Variants in ANKHD1 observed in about 807,000 individuals in gnomAD.
ANKHD1 encodes ankyrin repeat and KH domain containing 1, also known as ankyrin repeat and KH domain-containing protein 1.
A neutral mutation model predicts 230.5 loss-of-function variants in ANKHD1; 31 were observed. That is an observed-to-expected ratio of 0.13 (90% confidence interval 0.10 to 0.18). ANKHD1 has a LOEUF of 0.18. Ranked by LOEUF, ANKHD1 falls within the 10% of genes least tolerant of loss-of-function variation. ANKHD1 has a pLI of 1.00. For missense variants in ANKHD1, 2,256 were observed against 3,071.3 expected, an observed-to-expected ratio of 0.73 and a Z score of 6.27; for synonymous variants, 1,074 against 1,117.6, an observed-to-expected ratio of 0.96 and a Z score of 0.78.
chr5:140,428,717 A>G (rs1292610758), intron 1 of ANKHD1, among the ~76,000 whole-genome samples: 1 of 152,214 alleles, frequency 6.6e-6, no homozygotes, highest in African/African-American at 2.4e-5. Flanking sequence ...GTTGAAATTC[A>G]TGAGAGTGGT....
chr5:140,472,204 A>G (rs747229265), intron 10 of ANKHD1: 3 of 1,602,740 alleles, frequency 1.9e-6, no homozygotes, highest in South Asian at 1.1e-5. Context: ...CGTTTTTGGA[A>G]TAAGATCCGT....
chr5:140,490,507 C>T (rs1751724871), intron 14 of ANKHD1, among the ~76,000 whole-genome samples: 1 of 152,176 alleles, frequency 6.6e-6, no homozygotes, highest in African/African-American at 2.4e-5. Flanking sequence ...TGGCATCTAA[C>T]AGAGGCCTCA....
intron 7 of ANKHD1, among the ~76,000 whole-genome samples, chr5:140,455,242 AG>A (rs1277437593): frequency 5.9e-5 from 9 of 152,214 alleles, no homozygotes; most frequent in Non-Finnish European, 1.0e-4. Context: ...AACCAAAAAA[AG>A]TCCAGGACCA....
At chr5:140,508,182 G>A (rs907910200) in intron 20 of ANKHD1, among the ~76,000 whole-genome samples, 184 bp downstream of exon 20, 2 of 152,122 alleles carry the variant, frequency 1.3e-5, no homozygotes, top group African/African-American at 4.8e-5. Context: ...TTTTATTAAG[G>A]ACAATGAAGA....
intron 29 of ANKHD1, among the ~76,000 whole-genome samples, chr5:140,534,486 T>C (rs1313842196): frequency 4.6e-5 from 7 of 152,196 alleles, no homozygotes; most frequent in Admixed American, 4.6e-4. Context: ...ACAAAAATGT[T>C]CTAACATTGA....
chr5:140,464,874 T>A lies in ANKHD1; in HGVS notation c.1782+98T>A, dbSNP rs527355847. The A allele has an allele frequency of 3.7e-5, 45 of 1,217,574 alleles. No homozygotes were observed. In the East Asian group the frequency reaches 1.2e-3, roughly 33 times the overall value. The allele number at this position is 1,217,574 out of a possible 1,614,324, so 75.4% of individuals were successfully genotyped here. On this transcript the variant is annotated intron_variant, in intron 10 of 33. Transcript: ENST00000360839. ...CTAAAGATCAATGGTTTGCGTACTT[T>A]GTATACAGTAACTTAAAAAAGCTTG... is the stretch of plus-strand genomic sequence containing the variant.
intron 10 of ANKHD1, among the ~76,000 whole-genome samples, chr5:140,465,416 A>G (rs1435830647): frequency 6.6e-6 from 1 of 152,188 alleles, no homozygotes; most frequent in Non-Finnish European, 1.5e-5. Flanking sequence ...TCTATATAAA[A>G]ATAATATTCC....
chr5:140,443,424 C>T (rs1213485180), intron 5 of ANKHD1, among the ~76,000 whole-genome samples: 2 of 151,816 alleles, frequency 1.3e-5, no homozygotes, highest in Non-Finnish European at 2.9e-5. Context: ...GGCGTGGTGG[C>T]TCACGCCTGT....
chr5:140,432,909 C>T (rs1204695352), intron 1 of ANKHD1, among the ~76,000 whole-genome samples: 1 of 152,072 alleles, frequency 6.6e-6, no homozygotes, highest in Non-Finnish European at 1.5e-5. Context: ...TCACTAGGTT[C>T]CCAGGCTGGT....
chr5:140,401,860 C>G lies in ANKHD1; in HGVS notation c.-108C>G, dbSNP rs985358800. On this transcript the variant is annotated 5_prime_UTR_variant, in exon 1 of 34. Coordinates refer to ENST00000360839, the MANE Select transcript of ANKHD1 (RefSeq NM_017747.3). ...TGAGAAGTTAGTGGCGCTGCTGGGACGGGGGAAAGGAGACGCTTCTTCCTC... is the reference window on the plus strand; with the variant it reads ...TGAGAAGTTAGTGGCGCTGCTGGGAGGGGGGAAAGGAGACGCTTCTTCCTC... The G allele has an allele frequency of 1.6e-4, 229 of 1,412,520 alleles. No individual in the cohort carries two copies. Among genetic ancestry groups the G allele is most frequent in the Admixed American group, 6.6e-5 (2 of 30,456 alleles). The allele number at this position is 1,412,520 out of a possible 1,614,324, so 87.5% of individuals were successfully genotyped here.
intron 1 of ANKHD1, among the ~76,000 whole-genome samples, chr5:140,406,046 C>T (rs1358974156): frequency 6.6e-6 from 1 of 152,002 alleles, no homozygotes; most frequent in East Asian, 2.0e-4. Context: ...TAGAGACCAG[C>T]CTGGCCAACA....
intron 24 of ANKHD1, among the ~76,000 whole-genome samples, chr5:140,514,978 C>CA (rs11377029): frequency 0.67 from 96,838 of 145,340 alleles, 32,176 homozygotes; most frequent in East Asian, 0.83. Context: ...GACCCTGTCT[C>CA]AAAAAAAAAA....
chr5:140,435,971 C>A, intron 1 of ANKHD1, 133 bp from the exon 2 acceptor site: 1 of 1,194,948 alleles, frequency 8.4e-7, no homozygotes, highest in Non-Finnish European at 1.1e-6. Context: ...CATTCCCATA[C>A]TCCCTTGTTT....
intron 7 of ANKHD1, among the ~76,000 whole-genome samples, chr5:140,457,417 C>G (rs567035324): frequency 1.3e-5 from 2 of 152,122 alleles, no homozygotes; most frequent in African/African-American, 4.8e-5. Context: ...ATGTTTATTG[C>G]GGCACTATTC....
chr5:140,435,302 T>A (rs1773351480), intron 1 of ANKHD1, among the ~76,000 whole-genome samples: 1 of 152,046 alleles, frequency 6.6e-6, no homozygotes, highest in Admixed American at 6.6e-5. Flanking sequence ...GTTGTTGTTG[T>A]TGTTTGTTCT....
chr5:140,496,070 G>C (rs1054882176), intron 14 of ANKHD1, among the ~76,000 whole-genome samples: 9 of 152,166 alleles, frequency 5.9e-5, no homozygotes, highest in Non-Finnish European at 1.3e-4. Context: ...TTGCAGAGTT[G>C]ATATTGCTAA....
chr5:140,447,891 C>T (rs1774415618), intron 6 of ANKHD1, among the ~76,000 whole-genome samples: 1 of 152,188 alleles, frequency 6.6e-6, no homozygotes, highest in South Asian at 2.1e-4. Context: ...CCACTTACAT[C>T]TCATTGGCTA....
intron 14 of ANKHD1, among the ~76,000 whole-genome samples, chr5:140,491,158 A>ATTTTT (rs1470465560): frequency 4.6e-4 from 38 of 83,372 alleles, no homozygotes; most frequent in African/African-American, 1.4e-3. Flanking sequence ...ATATATATAT[A>ATTTTT]TATTTTTTTT....
intron 7 of ANKHD1, among the ~76,000 whole-genome samples, chr5:140,450,269 A>G (rs1774614216): frequency 6.6e-6 from 1 of 151,500 alleles, no homozygotes; most frequent in South Asian, 2.1e-4. Flanking sequence ...TAATGGCTTA[A>G]TGTAGCAGCC....
Sources: gnomAD v4.1 joint callset for allele counts (sites outside exome capture counted in the v4.1 genomes callset) on GRCh38, gnomAD v4.1.1 for gene constraint, MANE v1.5 for transcripts, NCBI Gene and HGNC (gene_info 2026-07-23, HGNC 2026-07-21) for gene names.